Variants in LRRTM4 observed in about 807,000 individuals in gnomAD.
The protein encoded by LRRTM4 is leucine rich repeat transmembrane neuronal 4, also known as leucine-rich repeat transmembrane neuronal protein 4.
Under a neutral mutation model 47.6 loss-of-function variants are expected in LRRTM4, and 25 were observed. The ratio of observed to expected loss-of-function variants is 0.53; its 90% CI spans 0.38 to 0.73. The LOEUF (loss-of-function observed/expected upper bound fraction) is 0.73. Ranked by LOEUF, LRRTM4 falls within the 30% of genes least tolerant of loss-of-function variation. LRRTM4 has a pLI of 0.00. For synonymous variants in LRRTM4, 311 were observed against 269.5 expected, an observed-to-expected ratio of 1.15 and a Z score of -1.51; for missense variants, 638 against 713.4, an observed-to-expected ratio of 0.89 and a Z score of 1.20.
rs144361954 is a variant in LRRTM4, at chr2:77,158,899, A to T, written c.1551+359419T>A. The stretch of plus-strand genomic sequence containing the variant: ...TATAATTAATTACATACGATATAAC[A>T]ATTATCACCTGTCTTCTGCAAAATA... On this transcript the variant is annotated intron_variant, in intron 3 of 3. Coordinates refer to ENST00000409884, the MANE Select transcript of LRRTM4 (RefSeq NM_001134745.3). Among the ~76,000 whole-genome samples, 660 of 152,130 alleles carry T rather than the reference A, an allele frequency of 4.3e-3. 7 individuals are homozygous for T. Among genetic ancestry groups the T allele is most frequent in the African/African-American group, 0.015 (634 of 41,556 alleles).
intron 3 of LRRTM4, among the ~76,000 whole-genome samples, chr2:77,439,164 T>C (rs899278773): frequency 6.6e-6 from 1 of 152,304 alleles, no homozygotes; most frequent in East Asian, 1.9e-4. Context: ...AGCCTAAGAT[T>C]CTGCACCTAT....
chr2:76,905,237 C>G (rs563307192), intron 3 of LRRTM4, among the ~76,000 whole-genome samples: 1 of 152,304 alleles, frequency 6.6e-6, no homozygotes, highest in African/African-American at 2.4e-5. Context: ...CCCAGGCAAA[C>G]AAGGTCTGGA....
At chr2:77,123,229 G>GAGAGAGAGAGAGAGAGAA (rs1671565414) in intron 3 of LRRTM4, among the ~76,000 whole-genome samples, 1 of 151,738 alleles carries the variant, frequency 6.6e-6, no homozygotes, top group African/African-American at 2.4e-5. Context: ...GAGAGAGAGA[G>GAGAGAGAGAGAGAGAGAA]AGAGAGAGAG....
chr2:77,400,323 G>A (rs924443411), intron 3 of LRRTM4, among the ~76,000 whole-genome samples: 4 of 151,738 alleles, frequency 2.6e-5, no homozygotes, highest in Middle Eastern at 3.2e-3. Context: ...CTACAGCTGA[G>A]TAATTGGCCC....
At chr2:77,016,058 G>A (rs1475203344) in intron 3 of LRRTM4, among the ~76,000 whole-genome samples, 1 of 151,962 alleles carries the variant, frequency 6.6e-6, no homozygotes, top group Non-Finnish European at 1.5e-5. Flanking sequence ...TCCAGCCTGG[G>A]TGACAGAATG....
chr2:77,079,911 C>T (rs1680476356), intron 3 of LRRTM4, among the ~76,000 whole-genome samples: 2 of 151,790 alleles, frequency 1.3e-5, no homozygotes, highest in Admixed American at 6.6e-5. Flanking sequence ...TTTATATATA[C>T]ATTTTATGAT....
chr2:77,343,019 CT>C (rs1390537123), intron 3 of LRRTM4, among the ~76,000 whole-genome samples: 1 of 151,940 alleles, frequency 6.6e-6, no homozygotes, highest in African/African-American at 2.4e-5. Flanking sequence ...GACTAAAGCT[CT>C]TTTGCAGTAA....
intron 3 of LRRTM4, among the ~76,000 whole-genome samples, chr2:77,072,626 C>T (rs780742148): frequency 3.3e-5 from 5 of 151,678 alleles, no homozygotes; most frequent in East Asian, 2.0e-4. Context: ...GACGAAATCC[C>T]GTCTGTACTA....
At chr2:77,326,665 G>C (rs927575529) in intron 3 of LRRTM4, among the ~76,000 whole-genome samples, 1 of 152,096 alleles carries the variant, frequency 6.6e-6, no homozygotes, top group African/African-American at 2.4e-5. Flanking sequence ...CAAAGTGCTA[G>C]GATTACAGCT....
intron 3 of LRRTM4, among the ~76,000 whole-genome samples, chr2:77,102,636 A>T (rs767899849): frequency 2.7e-4 from 41 of 152,202 alleles, no homozygotes; most frequent in Admixed American, 2.1e-3. Context: ...GTTTCAAGCC[A>T]AGAAACTCTT....
intron 3 of LRRTM4, among the ~76,000 whole-genome samples, chr2:76,790,162 G>C (rs1441361035): frequency 6.6e-6 from 1 of 152,162 alleles, no homozygotes; most frequent in Admixed American, 6.6e-5. Flanking sequence ...TAATGAAGAG[G>C]ATACCACAAG....
At chr2:77,433,903 T>C (rs560402151) in intron 3 of LRRTM4, among the ~76,000 whole-genome samples, 2 of 152,304 alleles carry the variant, frequency 1.3e-5, no homozygotes, top group East Asian at 3.9e-4. Flanking sequence ...CTCTGATGGC[T>C]TTCTGTCTTG....
chr2:76,982,008 A>G (rs188088570), intron 3 of LRRTM4, among the ~76,000 whole-genome samples: 2 of 152,200 alleles, frequency 1.3e-5, no homozygotes, highest in East Asian at 3.9e-4. Flanking sequence ...AAGGGGGCTT[A>G]TAACAACTTA....
intron 3 of LRRTM4, among the ~76,000 whole-genome samples, chr2:76,891,640 T>C (rs1397093580): frequency 4.6e-5 from 7 of 151,754 alleles, no homozygotes; most frequent in Admixed American, 4.6e-4. Context: ...ACTTTTTACC[T>C]AAAAGGTATT....
In LRRTM4 at chr2:76,981,718, C is replaced by A. The variant is rs569828060; in HGVS notation, c.1552-232802G>T. On this transcript the variant is annotated intron_variant, in intron 3 of 3. Transcript: ENST00000409884. ...ATTTTGCCAGGGCTCTTCTCAGACT[C>A]CTGGACCCAAGTAATCTTCCCGCCT... is the stretch of plus-strand genomic sequence containing the variant. 5.9e-5 allele frequency among the ~76,000 whole-genome samples: 9 copies of A among 152,104 alleles called. No homozygotes were observed. In the East Asian group the frequency reaches 1.4e-3, roughly 23 times the overall value.
At chr2:76,961,358 T>G (rs1293730132) in intron 3 of LRRTM4, among the ~76,000 whole-genome samples, 1 of 151,246 alleles carries the variant, frequency 6.6e-6, no homozygotes, top group Non-Finnish European at 1.5e-5. Context: ...ATATTAGAGA[T>G]GGAACATCAC....
At chr2:77,301,643 T>C (rs182492785) in intron 3 of LRRTM4, among the ~76,000 whole-genome samples, 37 of 152,330 alleles carry the variant, frequency 2.4e-4, no homozygotes, top group African/African-American at 7.2e-4. Flanking sequence ...CAGTCGCTTT[T>C]ATTCTGCCCC....
chr2:77,072,830 C>T (rs1680205441), intron 3 of LRRTM4, among the ~76,000 whole-genome samples: 1 of 132,710 alleles, frequency 7.5e-6, no homozygotes. Flanking sequence ...AAAACAAAGG[C>T]TGCCTTACAG....
intron 3 of LRRTM4, among the ~76,000 whole-genome samples, chr2:77,299,283 ACAC>A (rs1677061077): frequency 6.6e-6 from 1 of 151,188 alleles, no homozygotes; most frequent in Non-Finnish European, 1.5e-5. Context: ...ACACACACAC[ACAC>A]ACGTATATGT....
Sources: allele counts gnomAD v4.1 joint callset (sites outside exome capture counted in the v4.1 genomes callset), GRCh38; gene constraint gnomAD v4.1.1; transcripts MANE v1.5; gene names NCBI Gene and HGNC (gene_info 2026-07-23, HGNC 2026-07-21).